Variants in THSD7A observed in about 807,000 individuals in gnomAD.
THSD7A encodes the protein thrombospondin type-1 domain-containing protein 7A.
THSD7A carries 96 observed loss-of-function variants against 231.3 expected under a neutral mutation model. That is an observed-to-expected ratio of 0.41 (90% CI 0.35 to 0.49). THSD7A has a LOEUF of 0.49. THSD7A is among the 20% of genes least tolerant of loss of function. The pLI, the probability that THSD7A is intolerant of heterozygous loss-of-function variation, is 0.05. For synonymous variants in THSD7A, 940 were observed against 743.3 expected, an observed-to-expected ratio of 1.26 and a Z score of -4.30; for missense variants, 2,290 against 2,070.2, an observed-to-expected ratio of 1.11 and a Z score of -2.06.
chr7:11,500,587 A>T (rs1787290117), intron 6 of THSD7A, among the ~76,000 whole-genome samples: 1 of 152,146 alleles, frequency 6.6e-6, no homozygotes, highest in Admixed American at 6.5e-5. Flanking sequence ...AGATATAATG[A>T]CACTTGTAGG....
intron 1 of THSD7A, among the ~76,000 whole-genome samples, chr7:11,662,484 T>C (rs976567951): frequency 2.6e-5 from 4 of 151,338 alleles, no homozygotes; most frequent in Non-Finnish European, 5.9e-5. Context: ...ACCTCTTTCA[T>C]TAACTAATAG....
At chr7:11,581,173 A>G (rs1291039912) in intron 4 of THSD7A, among the ~76,000 whole-genome samples, 1 of 152,062 alleles carries the variant, frequency 6.6e-6, no homozygotes, top group Non-Finnish European at 1.5e-5. Context: ...ATGTCTTAAT[A>G]AATGTAATTA....
chr7:11,584,319 T>C (rs1791300220), intron 4 of THSD7A, among the ~76,000 whole-genome samples: 1 of 152,138 alleles, frequency 6.6e-6, no homozygotes, highest in Non-Finnish European at 1.5e-5. Context: ...AATACATAAT[T>C]ATACAAATAT....
rs770733542 is a variant in THSD7A, at chr7:11,407,043, C to T, written c.3929G>A (p.Arg1310Gln). The change falls in exon 21 of 28, where the codon CGA becomes CAA. Residue 1310 changes from arginine to glutamine, a missense_variant. Coordinates refer to ENST00000423059, the MANE Select transcript of THSD7A (RefSeq NM_015204.3). ...AAAGGGCTGGGTCACTGTTCGTCTTCGGATCATTTTTCCTTGAAGAGATAC... is the reference window on the plus strand; with the variant it reads ...AAAGGGCTGGGTCACTGTTCGTCTTTGGATCATTTTTCCTTGAAGAGATAC... ...QTCGLTGKMI[R>Q]RRTVTQPFQG... The T allele has an allele frequency of 1.4e-5, 22 of 1,613,516 alleles. No individual in the cohort carries two copies. Among genetic ancestry groups the T allele is most frequent in the South Asian group, 2.2e-5 (2 of 91,036 alleles).
chr7:11,501,383 A>G (rs116147047), intron 6 of THSD7A, among the ~76,000 whole-genome samples: 5,360 of 152,334 alleles, frequency 0.035, 324 homozygotes, highest in African/African-American at 0.12. Flanking sequence ...ATTGGACATA[A>G]AACAGTCCTC....
intron 1 of THSD7A, among the ~76,000 whole-genome samples, chr7:11,812,250 A>G (rs746724292): frequency 3.9e-5 from 6 of 152,044 alleles, no homozygotes; most frequent in Non-Finnish European, 8.8e-5. Flanking sequence ...GTGGTGTTCA[A>G]TTTAAACTCC....
chr7:11,613,201 A>G (rs1488117795), intron 2 of THSD7A, among the ~76,000 whole-genome samples: 2 of 152,240 alleles, frequency 1.3e-5, no homozygotes, highest in Non-Finnish European at 2.9e-5. Context: ...CATTCAAAGT[A>G]AAAGACAAAT....
rs77927180 is a variant in THSD7A, at chr7:11,478,898, C to T, written c.2017+2890G>A. On this transcript the variant is annotated intron_variant, in intron 7 of 27. Coordinates refer to ENST00000423059, the MANE Select transcript of THSD7A (RefSeq NM_015204.3). ...ACAATAGGATTATATTTCCCTCATT[C>T]GCCTTGAAGTTAGGCATAGTTATAC... 1.8e-4 allele frequency among the ~76,000 whole-genome samples: 28 copies of T among 152,224 alleles called. No homozygotes were observed. The East Asian group carries it at 4.8e-3, about 26-fold the overall frequency.
At chr7:11,426,907 A>G (rs1217436887) in intron 14 of THSD7A, among the ~76,000 whole-genome samples, 1 of 152,220 alleles carries the variant, frequency 6.6e-6, no homozygotes, top group East Asian at 1.9e-4. Flanking sequence ...AGCAGAGCCA[A>G]TGAGAAAATT....
rs541919334 is a variant in THSD7A at position 11,556,853 on chromosome 7, T to C, written c.1454-13736A>G. Among the ~76,000 whole-genome samples the C allele has an allele frequency of 1.6e-3, 239 of 152,186 alleles. 2 individuals carry two copies. The highest frequency in any genetic ancestry group is 2.8e-3 in the Non-Finnish European group (192 of 67,956). ...TCACTCAAATTTCTTTTTCTTGTAGTAAGGTTATCAATTTTCTCTGGATGC... is the reference window on the plus strand; with the variant it reads ...TCACTCAAATTTCTTTTTCTTGTAGCAAGGTTATCAATTTTCTCTGGATGC... On this transcript the variant is annotated intron_variant, in intron 4 of 27. Coordinates refer to ENST00000423059, the MANE Select transcript of THSD7A (RefSeq NM_015204.3).
intron 1 of THSD7A, among the ~76,000 whole-genome samples, chr7:11,676,880 C>A (rs913976912): frequency 3.9e-5 from 6 of 152,130 alleles, no homozygotes; most frequent in Middle Eastern, 3.2e-3. Flanking sequence ...TTCAACCTAG[C>A]AAGACAGGCC....
chr7:11,786,788 C>G (rs1413716646), intron 1 of THSD7A, among the ~76,000 whole-genome samples: 1 of 146,670 alleles, frequency 6.8e-6, no homozygotes, highest in Non-Finnish European at 1.5e-5. Context: ...AAAGAAAAAC[C>G]AATGTAATGC....
intron 6 of THSD7A, among the ~76,000 whole-genome samples, chr7:11,511,302 G>C (rs1326438466): frequency 6.6e-6 from 1 of 152,100 alleles, no homozygotes; most frequent in Non-Finnish European, 1.5e-5. Flanking sequence ...ACAAATGGAA[G>C]AACATTCCAT....
chr7:11,380,597 G>A (rs888782512), intron 24 of THSD7A, among the ~76,000 whole-genome samples: 1 of 152,086 alleles, frequency 6.6e-6, no homozygotes, highest in Non-Finnish European at 1.5e-5. Context: ...GTCATTGCAA[G>A]GCAATCGCAG....
At chr7:11,510,544 A>G (rs1368845725) in intron 6 of THSD7A, among the ~76,000 whole-genome samples, 1 of 152,182 alleles carries the variant, frequency 6.6e-6, no homozygotes. Context: ...TGGCAAACCG[A>G]ATCCAGCAGC....
At chr7:11,550,121 T>C (rs2128325780) in intron 4 of THSD7A, among the ~76,000 whole-genome samples, 1 of 152,222 alleles carries the variant, frequency 6.6e-6, no homozygotes, top group East Asian at 1.9e-4. Context: ...CCAGACCTGA[T>C]AAGACACTTC....
chr7:11,636,283 C>A lies in THSD7A; in HGVS notation c.869G>T (p.Gly290Val), dbSNP rs1215742784. ...CTCGCGGGCTTCTGGATCCTTTACT[C>A]CTTTGCTGCGGTCCTTTTCCCGTTC... The part of the protein sequence containing the change: ...NKEREKDRSK[G>V]VKDPEARELI... Residue 290 changes from glycine to valine, a missense_variant, in exon 2 of 28, where the codon GGA becomes GTA. Gly to Val is a moderately radical substitution (Grantham distance 109). Transcript: ENST00000423059. This position sits in a 1 kb window ranked among gnomAD's most constrained non-coding sequence, Gnocchi z 10.0. 1.9e-6 allele frequency: 3 copies of A among 1,613,868 alleles called. No individual in the cohort carries two copies. Among genetic ancestry groups the A allele is most frequent in the African/African-American group, 1.3e-5 (1 of 74,934 alleles).
intron 2 of THSD7A, among the ~76,000 whole-genome samples, chr7:11,627,610 G>A (rs1781514682): frequency 1.3e-5 from 2 of 152,054 alleles, no homozygotes; most frequent in African/African-American, 4.8e-5. Flanking sequence ...GATAATAACA[G>A]GTGAACAGAT....
intron 1 of THSD7A, among the ~76,000 whole-genome samples, chr7:11,811,295 G>T (rs1294189812): frequency 6.6e-6 from 1 of 152,056 alleles, no homozygotes; most frequent in African/African-American, 2.4e-5. Context: ...AACAAAGAAA[G>T]AATATTTCAA....
Sources: allele counts gnomAD v4.1 joint callset (sites outside exome capture counted in the v4.1 genomes callset), GRCh38; gene constraint gnomAD v4.1.1; non-coding constraint Gnocchi (gnomAD v3.1); transcripts MANE v1.5; gene names NCBI Gene and HGNC (gene_info 2026-07-23, HGNC 2026-07-21).